KIF16B: variants seen among roughly 807,000 people sequenced by gnomAD.
KIF16B encodes the protein kinesin-like protein KIF16B.
In KIF16B, 98 loss-of-function variants were observed where a neutral mutation model predicts 156.3. The observed-to-expected ratio is 0.63, with a 90% CI of 0.53 to 0.74. The LOEUF is 0.74. KIF16B is among the 30% of genes least tolerant of loss of function. The pLI, the probability that KIF16B is intolerant of heterozygous loss-of-function variation, is 0.00. For missense variants in KIF16B, 1,421 were observed against 1,606.5 expected (o/e 0.88, Z 1.97); for synonymous variants, 564 against 583.7 (o/e 0.97, Z 0.49).
At chr20:16,282,215 T>A (rs2122346160) in intron 25 of KIF16B, among the ~76,000 whole-genome samples, 1 of 151,978 alleles carries the variant, frequency 6.6e-6, no homozygotes, top group South Asian at 2.1e-4. Flanking sequence ...TATTTTTTAG[T>A]AGAGATGGGG....
intron 12 of KIF16B, among the ~76,000 whole-genome samples, chr20:16,431,276 A>G (rs557828320): frequency 3.0e-4 from 46 of 152,184 alleles, no homozygotes; most frequent in African/African-American, 1.0e-3. Context: ...AGGGCAGGTC[A>G]CTCTTCTGCT....
In KIF16B at chr20:16,541,449, C is replaced by A. The variant is rs186644043; in HGVS notation, c.48-13009G>T. The stretch of plus-strand genomic sequence containing the variant: ...CTCCGTCCCCCATGGGCTGCCAGTA[C>A]GGAAGTACGGATGAGCCAAGGACAA... On this transcript the variant is annotated intron_variant, in intron 1 of 25. Coordinates refer to ENST00000354981, the MANE Select transcript of KIF16B (RefSeq NM_024704.5). Among the ~76,000 whole-genome samples, 8 of 152,312 alleles carry A rather than the reference C, an allele frequency of 5.3e-5. No homozygotes were observed. In the East Asian group the frequency reaches 9.7e-4, roughly 18 times the overall value.
At chr20:16,349,368 C>G (rs180726082) in intron 23 of KIF16B, among the ~76,000 whole-genome samples, 148 of 152,244 alleles carry the variant, frequency 9.7e-4, no homozygotes, top group African/African-American at 3.2e-3. Flanking sequence ...TCTGAGCATC[C>G]CTGGAGGCCA....
chr20:16,527,071 T>C (rs1029491685), intron 2 of KIF16B, among the ~76,000 whole-genome samples: 10 of 152,172 alleles, frequency 6.6e-5, no homozygotes, highest in Admixed American at 1.3e-4. Context: ...CAAAGCACTG[T>C]GAGCGTAGAA....
At chr20:16,499,337 G>A (rs946196680) in intron 10 of KIF16B, among the ~76,000 whole-genome samples, 1 of 152,228 alleles carries the variant, frequency 6.6e-6, no homozygotes, top group Non-Finnish European at 1.5e-5. Flanking sequence ...TAATCCAGAT[G>A]TAATTCACCA....
At chr20:16,368,670 C>T (rs1293709056) in intron 22 of KIF16B, 6 of 985,848 alleles carry the variant, frequency 6.1e-6, no homozygotes, top group Non-Finnish European at 7.2e-6. Flanking sequence ...TAGCATCCAA[C>T]TCTTCCTCAC....
chr20:16,419,621 A>G (rs990551979), intron 15 of KIF16B, among the ~76,000 whole-genome samples: 1 of 152,170 alleles, frequency 6.6e-6, no homozygotes, highest in African/African-American at 2.4e-5. Context: ...AGCACTTCTA[A>G]AAGAAGAGAT....
Position 16,530,693 on chromosome 20 carries a change from TTTG to T in KIF16B, c.48-2256_48-2254del, listed in dbSNP as rs1441767426. 2.6e-5 allele frequency among the ~76,000 whole-genome samples: 4 copies of T among 151,970 alleles called. No homozygotes were observed. The South Asian group carries it at 8.3e-4, about 32-fold the overall frequency. On this transcript the variant is annotated intron_variant, in intron 1 of 25. Coordinates refer to ENST00000354981, the MANE Select transcript of KIF16B (RefSeq NM_024704.5). The stretch of plus-strand genomic sequence containing the variant: ...AACTCTGAGATAATACATGCTGTGT[TTTG>T]TTGTTGTTGTTTGGTTTTTTTTGAG...
intron 15 of KIF16B, among the ~76,000 whole-genome samples, chr20:16,415,999 C>T (rs1336700586): frequency 6.6e-5 from 10 of 152,172 alleles, no homozygotes; most frequent in Non-Finnish European, 4.4e-5. Context: ...TGTTTCTTGA[C>T]TACATGTATG....
chr20:16,526,542 G>A (rs1271239194), intron 2 of KIF16B, among the ~76,000 whole-genome samples: 1 of 152,128 alleles, frequency 6.6e-6, no homozygotes, highest in Non-Finnish European at 1.5e-5. Flanking sequence ...CTACAAGGGT[G>A]GTATTCACAT....
intron 12 of KIF16B, among the ~76,000 whole-genome samples, chr20:16,455,715 C>G (rs2067195110): frequency 6.6e-6 from 1 of 152,130 alleles, no homozygotes; most frequent in Admixed American, 6.6e-5. Flanking sequence ...GACAAAAGGA[C>G]AGTAGGTTAC....
chr20:16,398,826 G>C (rs578169060), intron 17 of KIF16B, among the ~76,000 whole-genome samples: 5 of 152,270 alleles, frequency 3.3e-5, no homozygotes, highest in African/African-American at 7.2e-5. Context: ...GGCTTCACAG[G>C]GACCTGGGCA....
chr20:16,325,037 T>C (rs1027918431), intron 24 of KIF16B, among the ~76,000 whole-genome samples: 4 of 151,642 alleles, frequency 2.6e-5, no homozygotes, highest in African/African-American at 9.7e-5. Flanking sequence ...ATAAACAGGA[T>C]TGAAAACAAA....
chr20:16,560,571 C>T (rs2071019403), intron 1 of KIF16B, among the ~76,000 whole-genome samples: 1 of 152,178 alleles, frequency 6.6e-6, no homozygotes, highest in Non-Finnish European at 1.5e-5. Flanking sequence ...CTTTGGGAGG[C>T]CAAGGCAGGC....
rs547330004 is a variant in KIF16B at position 16,397,879 on chromosome 20, C to T, written c.1784+6934G>A. Among the ~76,000 whole-genome samples, 3 of 152,358 alleles carry T rather than the reference C, an allele frequency of 2.0e-5. No homozygotes were observed. In the East Asian group the frequency reaches 5.8e-4, roughly 29 times the overall value. ...GGGCAGACCTGTGAGAGGGCAGACG[C>T]ATCCTTTGTGCTGAGAGCACATGTG... On this transcript the variant is annotated intron_variant, in intron 17 of 25. Transcript: ENST00000354981.
intron 24 of KIF16B, among the ~76,000 whole-genome samples, chr20:16,332,206 A>G (rs34781347): frequency 0.051 from 7,750 of 152,166 alleles, 209 homozygotes; most frequent in Middle Eastern, 0.065. Context: ...CTGCTCATCA[A>G]TTGTTTGATA....
chr20:16,466,299 C>T (rs1443940095), intron 12 of KIF16B, among the ~76,000 whole-genome samples: 1 of 152,208 alleles, frequency 6.6e-6, no homozygotes, highest in Middle Eastern at 3.2e-3. Context: ...CAACTTTACT[C>T]AGATTCATCA....
chr20:16,288,217 C>T (rs923692898), intron 25 of KIF16B, among the ~76,000 whole-genome samples: 1 of 152,198 alleles, frequency 6.6e-6, no homozygotes, highest in Non-Finnish European at 1.5e-5. Flanking sequence ...GGCACAAAGA[C>T]ATCAAAGCAC....
At chr20:16,496,129 C>A (rs987108297) in intron 11 of KIF16B, among the ~76,000 whole-genome samples, 1 of 152,184 alleles carries the variant, frequency 6.6e-6, no homozygotes, top group Non-Finnish European at 1.5e-5. Flanking sequence ...ACTCTCCTGG[C>A]TTTTTGTTTT....
Sources: allele counts gnomAD v4.1 joint callset (sites outside exome capture counted in the v4.1 genomes callset), GRCh38; gene constraint gnomAD v4.1.1; transcripts MANE v1.5; gene names NCBI Gene and HGNC (gene_info 2026-07-23, HGNC 2026-07-21).